The following EPM2A variants were observed in gnomAD, a reference collection of about 807,000 sequenced individuals.
EPM2A encodes laforin.
A neutral mutation model predicts 26.5 loss-of-function variants in EPM2A; 21 were observed. That is an observed-to-expected ratio of 0.79 (90% confidence interval 0.56 to 1.14). The LOEUF is 1.14. EPM2A is among the 50% of genes most tolerant of loss of function. The probability of loss-of-function intolerance (pLI) is 0.00; values close to 1 mark genes in which losing one functional copy is unlikely to be tolerated. For missense variants in EPM2A, 458 were observed against 440.8 expected, an observed-to-expected ratio of 1.04 and a Z score of -0.35; for synonymous variants, 217 against 177.6, an observed-to-expected ratio of 1.22 and a Z score of -1.76.
chr6:145,730,153 A>T (rs1776414530), intron 1 of EPM2A, among the ~76,000 whole-genome samples: 1 of 152,176 alleles, frequency 6.6e-6, no homozygotes, highest in African/African-American at 2.4e-5. Context: ...TGAGCCAATT[A>T]AACCTCTTCT....
downstream of EPM2A, among the ~76,000 whole-genome samples, chr6:145,499,961 T>G (rs1448248992): frequency 1.3e-5 from 2 of 152,062 alleles, no homozygotes; most frequent in African/African-American, 4.8e-5. Flanking sequence ...GCTTTTCCAC[T>G]CATATCCTGA....
chr6:145,534,018 T>C (rs1010388222), intron 2 of EPM2A, among the ~76,000 whole-genome samples: 3 of 152,156 alleles, frequency 2.0e-5, no homozygotes, highest in African/African-American at 7.2e-5. Context: ...AGAGGAGTTG[T>C]TGGATTTATT....
rs1384011484 is a variant in EPM2A, at chr6:145,667,023, T to C, written c.476+19099A>G. Among the ~76,000 whole-genome samples the C allele has an allele frequency of 6.9e-4, 89 of 128,620 alleles. No individual in the cohort carries two copies. In the East Asian group the frequency reaches 0.015, roughly 22 times the overall value. The allele number at this position is 128,620 out of a possible 152,430, so 84.4% of individuals were successfully genotyped here. A position where few individuals can be genotyped will look rare whatever the true frequency, so the allele number is the denominator to read the frequency against. ...TATACAAAAATCAATTCAAGATGGA[T>C]TAAAGATTTAAATGTTAGACCTAAA... On this transcript the variant is annotated intron_variant, in intron 2 of 3. Coordinates refer to ENST00000367519, the MANE Select transcript of EPM2A (RefSeq NM_005670.4).
At chr6:145,674,413 G>A (rs936366297) in intron 2 of EPM2A, among the ~76,000 whole-genome samples, 1 of 152,246 alleles carries the variant, frequency 6.6e-6, no homozygotes, top group East Asian at 1.9e-4. Context: ...GGGGGCAATG[G>A]AACAAAGCTG....
In EPM2A at chr6:145,673,798, C is replaced by T. The variant is rs539756733; in HGVS notation, c.476+12324G>A. On this transcript the variant is annotated intron_variant, in intron 2 of 3. Transcript: ENST00000367519. ...CAGGAAGCTCAAACTGGACAGAGCCCACTGCAGCTCAGCTTGGCCTACTGC... is the reference window on the plus strand; with the variant it reads ...CAGGAAGCTCAAACTGGACAGAGCCTACTGCAGCTCAGCTTGGCCTACTGC... Among the ~76,000 whole-genome samples the T allele has an allele frequency of 7.9e-5, 12 of 152,232 alleles. No homozygotes were observed. The South Asian group carries it at 2.1e-3, about 26-fold the overall frequency.
At chr6:145,425,777 G>A (rs970306274) in intron 4 of EPM2A, among the ~76,000 whole-genome samples, 2 of 152,188 alleles carry the variant, frequency 1.3e-5, no homozygotes, top group South Asian at 2.1e-4. Flanking sequence ...GCCACTGGCT[G>A]TAAGGTAGCA....
At chr6:145,734,608 T>C (rs1350505663) in intron 1 of EPM2A, 2 of 152,232 alleles carry the variant, frequency 1.3e-5, no homozygotes, top group East Asian at 3.8e-4. Context: ...TCAATATCTA[T>C]GAAAAAAATC....
chr6:145,414,135 A>T (rs918409921), intron 4 of EPM2A, among the ~76,000 whole-genome samples: 3 of 152,138 alleles, frequency 2.0e-5, no homozygotes, highest in Admixed American at 2.0e-4. Flanking sequence ...AGTACTCCAG[A>T]TCAACTCCTT....
At position 145,626,465 on chromosome 6, in the gene EPM2A, A is replaced by G; in HGVS notation, c.*951T>C. The G allele has an allele frequency of 1.0e-6, 1 of 985,928 alleles. No individual in the cohort carries two copies. The highest frequency in any genetic ancestry group is 1.2e-6 in the Non-Finnish European group (1 of 829,964). The allele number at this position is 985,928 out of a possible 1,614,324, so 61.1% of individuals were successfully genotyped here. A position where few individuals can be genotyped will look rare whatever the true frequency, so the allele number is the denominator to read the frequency against. Reference sequence around the variant, plus strand: ...GTTTTTAAATTAGCTTGCACAAAATACAACTAATTTCCTAGATTCTTTGGC... The same window carrying G: ...GTTTTTAAATTAGCTTGCACAAAATGCAACTAATTTCCTAGATTCTTTGGC... On this transcript the variant is annotated 3_prime_UTR_variant, in exon 4 of 4. Transcript: ENST00000367519.
intron 4 of EPM2A, among the ~76,000 whole-genome samples, chr6:145,440,204 T>C (rs560398740): frequency 1.3e-5 from 2 of 152,192 alleles, no homozygotes; most frequent in Non-Finnish European, 2.9e-5. Flanking sequence ...GCACATCTCA[T>C]ATGGTGGCAG....
intron 1 of EPM2A, among the ~76,000 whole-genome samples, chr6:145,709,713 C>T (rs1036593746): frequency 2.0e-5 from 3 of 152,000 alleles, no homozygotes; most frequent in Non-Finnish European, 2.9e-5. Flanking sequence ...ATTCTAGTAG[C>T]TTGTAGAGGA....
At chr6:145,629,504 GCACTGCATGGCAGATC>G (rs1223483211) in intron 3 of EPM2A, 1 of 152,260 alleles carries the variant, frequency 6.6e-6, no homozygotes, top group Non-Finnish European at 1.5e-5. Flanking sequence ...CTCAGGGAGA[GCACTGCATGGCAGATC>G]CACTATTTGC....
intron 4 of EPM2A, among the ~76,000 whole-genome samples, chr6:145,485,019 C>G (rs947679523): frequency 3.7e-4 from 54 of 147,812 alleles, no homozygotes; most frequent in African/African-American, 1.3e-3. Context: ...TATATATATA[C>G]TAACATTGAG....
intron 2 of EPM2A, among the ~76,000 whole-genome samples, chr6:145,609,183 G>C (rs936050776): frequency 1.3e-5 from 2 of 152,140 alleles, no homozygotes; most frequent in Non-Finnish European, 2.9e-5. Flanking sequence ...AATTTGATCG[G>C]ACTCTATGCT....
intron 4 of EPM2A, among the ~76,000 whole-genome samples, chr6:145,484,599 C>A (rs1331063573): frequency 3.3e-5 from 5 of 152,048 alleles, no homozygotes; most frequent in Non-Finnish European, 7.4e-5. Flanking sequence ...AATTATAGGA[C>A]AAATATATTA....
chr6:145,396,018 T>A (rs1163538185), intron 4 of EPM2A, among the ~76,000 whole-genome samples: 1 of 152,178 alleles, frequency 6.6e-6, no homozygotes, highest in East Asian at 1.9e-4. Flanking sequence ...CAGAGTTGCC[T>A]GTGATTTCAG....
intron 2 of EPM2A, among the ~76,000 whole-genome samples, chr6:145,676,693 T>C (rs1187038469): frequency 6.6e-6 from 1 of 152,148 alleles, no homozygotes; most frequent in Non-Finnish European, 1.5e-5. Context: ...AATGGATAAA[T>C]TTCTGGACAC....
At chr6:145,503,020 G>A (rs578203956) in intron 2 of EPM2A, among the ~76,000 whole-genome samples, 97 of 152,276 alleles carry the variant, frequency 6.4e-4, no homozygotes, top group African/African-American at 2.3e-3. Context: ...CCATTTAAAT[G>A]TTTTTAGTGA....
chr6:145,735,620 C>T (rs1776835238), upstream of EPM2A: 1 of 1,082,328 alleles, frequency 9.2e-7, no homozygotes, highest in Non-Finnish European at 1.1e-6. Context: ...CCGGGGAGAA[C>T]ACGTGCTGTT....
Sources: gnomAD v4.1 joint callset for allele counts (sites outside exome capture counted in the v4.1 genomes callset) on GRCh38, gnomAD v4.1.1 for gene constraint, MANE v1.5 for transcripts, NCBI Gene and HGNC (gene_info 2026-07-23, HGNC 2026-07-21) for gene names.